The following PPARGC1A variants were observed in gnomAD, a reference collection of about 807,000 sequenced individuals.
PPARGC1A encodes PPARG coactivator 1 alpha, also known as peroxisome proliferator-activated receptor gamma coactivator 1-alpha.
In PPARGC1A, 25 loss-of-function variants were observed where a neutral mutation model predicts 88.7. That is an observed-to-expected ratio of 0.28 (90% CI 0.21 to 0.39). The LOEUF (loss-of-function observed/expected upper bound fraction) is 0.39. Among genes scored for constraint, PPARGC1A ranks in the 10% least tolerant of loss-of-function variants. PPARGC1A has a pLI of 1.00. For missense variants in PPARGC1A, 880 were observed against 968.7 expected, an observed-to-expected ratio of 0.91 and a Z score of 1.22; for synonymous variants, 363 against 355.6, an observed-to-expected ratio of 1.02 and a Z score of -0.24.
chr4:23,851,839 A>G (rs1302470762), intron 2 of PPARGC1A, among the ~76,000 whole-genome samples: 1 of 152,174 alleles, frequency 6.6e-6, no homozygotes, highest in Non-Finnish European at 1.5e-5. Context: ...AAGCTATTTT[A>G]AAACAAGAAC....
rs765457349 is a variant in PPARGC1A, at chr4:23,813,124, A to T, written c.1795T>A (p.Ser599Thr). The T allele has an allele frequency of 4.3e-6, 7 of 1,613,816 alleles. No homozygotes were observed. Among genetic ancestry groups the T allele is most frequent in the African/African-American group, 2.7e-5 (2 of 74,904 alleles). ...RSPGSRSSSR[S>T]CYYYESSHYR... ...TGGCTTGACTCATAGTAATAGCAGG[A>T]TCTGCGCCAGAGGAGAAAAGCAAAA... The change falls in exon 9 of 13, where the codon TCC becomes ACC. Residue 599 changes from serine (S) to threonine (T), a missense_variant and splice_region_variant. Transcript: ENST00000264867.
At chr4:24,392,476 A>C in the PPARGC1A span, among the ~76,000 whole-genome samples, 22 of 152,198 alleles carry the variant, frequency 1.4e-4, no homozygotes, top group Admixed American at 1.0e-3. Context: ...GCTATTTTTT[A>C]TAGAAAGCAG....
the PPARGC1A span, among the ~76,000 whole-genome samples, chr4:24,392,242 G>T: frequency 3.3e-5 from 5 of 152,030 alleles, no homozygotes; most frequent in African/African-American, 9.7e-5. Context: ...CTAGGTGGAG[G>T]CTTTTTTTAA....
At chr4:23,872,512 A>G (rs1713612265) in intron 2 of PPARGC1A, among the ~76,000 whole-genome samples, 2 of 152,206 alleles carry the variant, frequency 1.3e-5, no homozygotes, top group African/African-American at 4.8e-5. Context: ...GCTCTCCAGC[A>G]GAATTCCATT....
chr4:24,059,332 C>G, the PPARGC1A span, among the ~76,000 whole-genome samples: 1 of 152,248 alleles, frequency 6.6e-6, no homozygotes, highest in South Asian at 2.1e-4. Context: ...AATGCAAATC[C>G]ACCCAAAGTA....
At chr4:24,359,148 G>A in the PPARGC1A span, among the ~76,000 whole-genome samples, 2,668 of 152,292 alleles carry the variant, frequency 0.018, 35 homozygotes, top group Admixed American at 0.046. Flanking sequence ...AATGTTGAGG[G>A]CTGGGAATAG....
At chr4:24,082,813 G>T in the PPARGC1A span, among the ~76,000 whole-genome samples, 2 of 152,104 alleles carry the variant, frequency 1.3e-5, no homozygotes, top group Admixed American at 6.5e-5. Context: ...CCCACTCAAG[G>T]TTCACTGGGC....
the PPARGC1A span, among the ~76,000 whole-genome samples, chr4:24,390,244 C>G: frequency 6.6e-6 from 1 of 151,892 alleles, no homozygotes; most frequent in African/African-American, 2.4e-5. Context: ...ACTTTTTTGC[C>G]CCTCAAATAC....
At chr4:23,941,361 A>AT in the PPARGC1A span, among the ~76,000 whole-genome samples, 1 of 151,956 alleles carries the variant, frequency 6.6e-6, no homozygotes, top group African/African-American at 2.4e-5. Flanking sequence ...CCCAGTTTTA[A>AT]TTTTTTTTAA....
At chr4:24,231,504 AC>A in the PPARGC1A span, among the ~76,000 whole-genome samples, 1 of 152,110 alleles carries the variant, frequency 6.6e-6, no homozygotes, top group Admixed American at 6.5e-5. Context: ...ATCCCAAAGG[AC>A]CCAAGCCCAG....
upstream of PPARGC1A, among the ~76,000 whole-genome samples, chr4:23,906,136 AC>A (rs1720001341): frequency 6.6e-6 from 1 of 152,108 alleles, no homozygotes; most frequent in African/African-American, 2.4e-5. Flanking sequence ...TTGCAGATCA[AC>A]CCCTACAGTT....
chr4:24,277,383 C>T, the PPARGC1A span, among the ~76,000 whole-genome samples: 2 of 152,088 alleles, frequency 1.3e-5, no homozygotes, highest in Non-Finnish European at 2.9e-5. Flanking sequence ...ACAGTGGGCC[C>T]CCAACTGTTT....
At chr4:24,055,434 G>A in the PPARGC1A span, among the ~76,000 whole-genome samples, 1 of 152,162 alleles carries the variant, frequency 6.6e-6, no homozygotes, top group Non-Finnish European at 1.5e-5. Context: ...GCAAGTAGGA[G>A]GGGTGGAAGG....
At chr4:24,065,007 T>C in the PPARGC1A span, among the ~76,000 whole-genome samples, 4 of 152,206 alleles carry the variant, frequency 2.6e-5, no homozygotes, top group African/African-American at 9.6e-5. Context: ...CTCTAAAGAA[T>C]GGGTTCAGGG....
At chr4:24,458,044 G>A in the PPARGC1A span, among the ~76,000 whole-genome samples, 1 of 152,218 alleles carries the variant, frequency 6.6e-6, no homozygotes. Flanking sequence ...AACTCTTGAT[G>A]TAAACTATTT....
the PPARGC1A span, among the ~76,000 whole-genome samples, chr4:23,918,826 G>A: frequency 6.6e-6 from 1 of 152,038 alleles, no homozygotes; most frequent in East Asian, 1.9e-4. Flanking sequence ...CTGCAATTAA[G>A]CAGAAATGTC....
the PPARGC1A span, among the ~76,000 whole-genome samples, chr4:24,427,811 A>T: frequency 6.6e-6 from 1 of 152,094 alleles, no homozygotes; most frequent in Non-Finnish European, 1.5e-5. Flanking sequence ...CTCCCACAAT[A>T]AAGAATTATC....
intron 3 of PPARGC1A, among the ~76,000 whole-genome samples, chr4:23,829,963 A>G (rs575204688): frequency 6.6e-6 from 1 of 152,212 alleles, no homozygotes; most frequent in Non-Finnish European, 1.5e-5. Flanking sequence ...TGTTGTCTAC[A>G]TATTTTTTTT....
chr4:24,031,031 C>T, the PPARGC1A span, among the ~76,000 whole-genome samples: 2 of 151,962 alleles, frequency 1.3e-5, no homozygotes, highest in Admixed American at 6.6e-5. Flanking sequence ...GGGTCTGGAA[C>T]GATTAGTAGG....
Sources: allele counts gnomAD v4.1 joint callset (sites outside exome capture counted in the v4.1 genomes callset), GRCh38; gene constraint gnomAD v4.1.1; transcripts MANE v1.5; gene names NCBI Gene and HGNC (gene_info 2026-07-23, HGNC 2026-07-21).